SPOPL: variants seen among roughly 807,000 people sequenced by gnomAD.
The protein encoded by SPOPL is speckle type BTB/POZ protein like.
SPOPL carries 23 observed loss-of-function variants against 53.8 expected under a neutral mutation model. That is an observed-to-expected ratio of 0.43 (90% CI 0.31 to 0.61). SPOPL has a LOEUF of 0.61. Ranked by LOEUF, SPOPL falls within the 20% of genes least tolerant of loss-of-function variation. The probability of loss-of-function intolerance (pLI) is 0.12; values close to 1 mark genes in which losing one functional copy is unlikely to be tolerated. For synonymous variants in SPOPL, 164 were observed against 149.7 expected (o/e 1.10, Z -0.70); for missense variants, 442 against 466.9 (o/e 0.95, Z 0.49).
chr2:138,550,823 C>CTT, intron 3 of SPOPL, 80 bp from the exon 4 acceptor site: 3 of 1,356,414 alleles, frequency 2.2e-6, no homozygotes, highest in Non-Finnish European at 9.9e-7. Flanking sequence ...TTCTCTCTCT[C>CTT]TCTTTCTCTC....
chr2:138,527,465 A>G (rs1360122389), intron 1 of SPOPL, among the ~76,000 whole-genome samples: 1 of 152,158 alleles, frequency 6.6e-6, no homozygotes, highest in Non-Finnish European at 1.5e-5. Flanking sequence ...TTAATGCATC[A>G]GTTATGACTA....
intron 1 of SPOPL, among the ~76,000 whole-genome samples, chr2:138,537,861 T>C (rs1436884793): frequency 2.0e-5 from 3 of 152,198 alleles, no homozygotes; most frequent in Non-Finnish European, 4.4e-5. Context: ...TTTTTATATT[T>C]TTCACCAAAT....
intron 1 of SPOPL, among the ~76,000 whole-genome samples, chr2:138,535,197 T>C (rs79790888): frequency 1.8e-4 from 27 of 152,342 alleles, no homozygotes; most frequent in East Asian, 1.5e-3. Context: ...ATTGTGTACA[T>C]GTACCACATT....
At chr2:138,550,881 T>A in intron 3 of SPOPL, 22 bp from the exon 4 acceptor site, 1 of 1,594,986 alleles carries the variant, frequency 6.3e-7, no homozygotes, top group African/African-American at 1.4e-5. Context: ...TTCCTCCATG[T>A]GAGCTTATTG....
Position 138,506,427 on chromosome 2 carries a change from T to C in SPOPL, c.-61+4308T>C, listed in dbSNP as rs1684216960. ...GTCACAATTTGAATAGCGTTGAGATTAGCTGTTACAATAATGTAGTCAAGA... is the reference window on the plus strand; with the variant it reads ...GTCACAATTTGAATAGCGTTGAGATCAGCTGTTACAATAATGTAGTCAAGA... On this transcript the variant is annotated intron_variant, in intron 1 of 10. Coordinates refer to ENST00000280098, the MANE Select transcript of SPOPL (RefSeq NM_001001664.3). 2.0e-5 allele frequency among the ~76,000 whole-genome samples: 3 copies of C among 152,222 alleles called. No homozygotes were observed. In the South Asian group the frequency reaches 6.2e-4, roughly 31 times the overall value.
At chr2:138,510,911 C>CAA (rs1684310788) in intron 1 of SPOPL, among the ~76,000 whole-genome samples, 1 of 152,076 alleles carries the variant, frequency 6.6e-6, no homozygotes, top group South Asian at 2.1e-4. Flanking sequence ...AATTTAATTT[C>CAA]ATTTAATTAA....
At chr2:138,527,089 A>C (rs1387700328) in intron 1 of SPOPL, among the ~76,000 whole-genome samples, 1 of 152,160 alleles carries the variant, frequency 6.6e-6, no homozygotes, top group African/African-American at 2.4e-5. Flanking sequence ...GCCTTAATAC[A>C]GTATTCAGAT....
At chr2:138,529,235 T>C (rs1684747187) in intron 1 of SPOPL, among the ~76,000 whole-genome samples, 1 of 152,204 alleles carries the variant, frequency 6.6e-6, no homozygotes, top group Non-Finnish European at 1.5e-5. Context: ...AGTTAGCTAC[T>C]AGAAATGGTT....
intron 1 of SPOPL, among the ~76,000 whole-genome samples, chr2:138,543,131 G>C (rs1218779858): frequency 6.6e-6 from 1 of 152,312 alleles, no homozygotes; most frequent in Admixed American, 6.5e-5. Context: ...GCTTCCCTTT[G>C]TGGGTAACCT....
At chr2:138,553,300 T>C (rs1685354337) in intron 5 of SPOPL, among the ~76,000 whole-genome samples, 1 of 152,140 alleles carries the variant, frequency 6.6e-6, no homozygotes, top group Admixed American at 6.5e-5. Context: ...CCTAATTTGA[T>C]GTTTGGATTT....
chr2:138,547,252 C>T (rs1176731749), intron 1 of SPOPL, among the ~76,000 whole-genome samples: 2 of 152,126 alleles, frequency 1.3e-5, no homozygotes, highest in African/African-American at 4.8e-5. Flanking sequence ...AGGCGTGAGC[C>T]ACCGTGCCTG....
chr2:138,539,733 G>C (rs1685024737), intron 1 of SPOPL, among the ~76,000 whole-genome samples: 1 of 152,132 alleles, frequency 6.6e-6, no homozygotes, highest in Non-Finnish European at 1.5e-5. Flanking sequence ...TTCTTTTGCT[G>C]TCCAGAAGCT....
chr2:138,567,470 A>G, intron 10 of SPOPL, among the ~76,000 whole-genome samples: 1 of 149,186 alleles, frequency 6.7e-6, no homozygotes, highest in East Asian at 2.0e-4. Context: ...AAGAAGCTGG[A>G]GAAAGTAGGC....
At chr2:138,551,656 G>A (rs190686698) in intron 4 of SPOPL, among the ~76,000 whole-genome samples, 6 of 152,022 alleles carry the variant, frequency 3.9e-5, no homozygotes, top group South Asian at 2.1e-4. Context: ...GAAATGAATC[G>A]CAGAATCAAG....
At chr2:138,537,104 T>C (rs1301949453) in intron 1 of SPOPL, among the ~76,000 whole-genome samples, 1 of 152,192 alleles carries the variant, frequency 6.6e-6, no homozygotes, top group African/African-American at 2.4e-5. Flanking sequence ...CCTTACCTCT[T>C]GGTTTCATTC....
chr2:138,530,045 T>A (rs2104872646), intron 1 of SPOPL, among the ~76,000 whole-genome samples: 1 of 152,322 alleles, frequency 6.6e-6, no homozygotes, highest in East Asian at 1.9e-4. Context: ...ATCTTTTAGC[T>A]GCCACTTACA....
At position 138,536,660 on chromosome 2, in the gene SPOPL, T is replaced by G. The variant is rs369540291; in HGVS notation, c.-60-13497T>G. On this transcript the variant is annotated intron_variant, in intron 1 of 10. Transcript: ENST00000280098. ...AGCTGTGTCTTTTCCTGTTTTTTTT[T>G]GGGCAAATCAGCTGTCCTGTAGTTT... Among the ~76,000 whole-genome samples the G allele has an allele frequency of 5.0e-3, 761 of 152,310 alleles. 5 individuals carry two copies. The highest frequency in any genetic ancestry group is 7.8e-3 in the Non-Finnish European group (532 of 68,012).
At chr2:138,555,344 G>A (rs557349538) in intron 5 of SPOPL, among the ~76,000 whole-genome samples, 1 of 152,190 alleles carries the variant, frequency 6.6e-6, no homozygotes, top group East Asian at 1.9e-4. Flanking sequence ...AATCATAGCA[G>A]AGAGCCTTTC....
In SPOPL at chr2:138,523,198, G is replaced by A. The variant is rs565746561; in HGVS notation, c.-61+21079G>A. 1.1e-3 allele frequency among the ~76,000 whole-genome samples: 169 copies of A among 152,262 alleles called. 1 individual carries two copies. The highest frequency in any genetic ancestry group is 3.4e-3 in the Middle Eastern group (1 of 294). On this transcript the variant is annotated intron_variant, in intron 1 of 10. Coordinates refer to ENST00000280098, the MANE Select transcript of SPOPL (RefSeq NM_001001664.3). ...GGAAGCCTCACAATCGTGGCAGAAG[G>A]CACATCTCACATGACAGCAGACAAG... is the stretch of plus-strand genomic sequence containing the variant.
Sources: allele counts gnomAD v4.1 joint callset (sites outside exome capture counted in the v4.1 genomes callset), GRCh38; gene constraint gnomAD v4.1.1; transcripts MANE v1.5; gene names NCBI Gene and HGNC (gene_info 2026-07-23, HGNC 2026-07-21).